Variants in PRKG1 observed in about 807,000 individuals in gnomAD.
PRKG1 encodes protein kinase cGMP-dependent 1, also known as cGMP-dependent protein kinase 1.
A neutral mutation model predicts 88.1 loss-of-function variants in PRKG1; 35 were observed. The ratio of observed to expected loss-of-function variants is 0.40; its 90% CI spans 0.30 to 0.53. The LOEUF is 0.53. Ranked by LOEUF, PRKG1 falls within the 20% of genes least tolerant of loss-of-function variation. The probability of loss-of-function intolerance (pLI) is 0.59; values close to 1 mark genes in which losing one functional copy is unlikely to be tolerated. For missense variants in PRKG1, 540 were observed against 839.8 expected (o/e 0.64, Z 4.41); for synonymous variants, 303 against 292.5 (o/e 1.04, Z -0.37).
intron 4 of PRKG1, among the ~76,000 whole-genome samples, chr10:51,905,925 T>A (rs1049338182): frequency 1.3e-5 from 2 of 152,198 alleles, no homozygotes; most frequent in Admixed American, 1.3e-4. Context: ...ATAGTTCTTA[T>A]TTTTGTGGAT....
chr10:51,073,632 C>G (rs567899903), upstream of PRKG1, among the ~76,000 whole-genome samples: 5 of 152,178 alleles, frequency 3.3e-5, no homozygotes, highest in South Asian at 1.0e-3. Flanking sequence ...TAAAACAGTT[C>G]CCCGATGAGA....
At chr10:52,096,509 C>T (rs1309865277) in intron 7 of PRKG1, among the ~76,000 whole-genome samples, 1 of 152,168 alleles carries the variant, frequency 6.6e-6, no homozygotes, top group African/African-American at 2.4e-5. Flanking sequence ...TGCATTTCCA[C>T]CCTTCTTAAG....
Position 51,186,982 on chromosome 10 carries a change from ATG to A in PRKG1, c.478+33654_478+33655del, listed in dbSNP as rs1214362175. Among the ~76,000 whole-genome samples the A allele has an allele frequency of 8.6e-4, 124 of 144,644 alleles. 1 individual carries two copies. Among genetic ancestry groups the A allele is most frequent in the Admixed American group, 2.0e-3 (28 of 14,322 alleles). The allele number at this position is 144,644 out of a possible 152,430, so 94.9% of individuals were successfully genotyped here. A position where few individuals can be genotyped will look rare whatever the true frequency, so the allele number is the denominator to read the frequency against. ...TATATATATATATATATATATATAT[ATG>A]TATATATATATTCTCTTTATTCCTT... On this transcript the variant is annotated intron_variant, in intron 2 of 17. Coordinates refer to ENST00000373980, the MANE Select transcript of PRKG1 (RefSeq NM_006258.4).
chr10:51,935,261 A>T (rs551413351), intron 5 of PRKG1, among the ~76,000 whole-genome samples: 25 of 152,260 alleles, frequency 1.6e-4, no homozygotes, highest in Non-Finnish European at 1.2e-4. Flanking sequence ...TGAACTTAAG[A>T]ATCATTCAGC....
At chr10:52,251,513 TG>T in intron 9 of PRKG1, 56 bp from the exon 10 acceptor site, 2 of 1,263,594 alleles carry the variant, frequency 1.6e-6, no homozygotes, top group Non-Finnish European at 1.2e-6. Flanking sequence ...CAGATGTACG[TG>T]GTACTCGTGT....
chr10:51,743,734 CTAAATATATATATATATATATATA>C, intron 3 of PRKG1, among the ~76,000 whole-genome samples: 1 of 31,348 alleles, frequency 3.2e-5, no homozygotes, highest in South Asian at 7.7e-4. Context: ...ATAATATAAA[CTAAATATATATATATATATATATA>C]TATATATTTA....
intron 5 of PRKG1, among the ~76,000 whole-genome samples, chr10:52,028,861 C>T (rs1465424444): frequency 1.3e-5 from 2 of 152,094 alleles, no homozygotes; most frequent in African/African-American, 2.4e-5. Flanking sequence ...GAAATATGGG[C>T]CAAACATTTG....
chr10:51,439,092 A>C (rs1181928592), intron 2 of PRKG1, among the ~76,000 whole-genome samples: 1 of 151,678 alleles, frequency 6.6e-6, no homozygotes, highest in African/African-American at 2.4e-5. Flanking sequence ...CAATGTTTTT[A>C]GTCAAATAGG....
chr10:52,027,828 G>T (rs1205561033), intron 5 of PRKG1, among the ~76,000 whole-genome samples: 2 of 152,016 alleles, frequency 1.3e-5, no homozygotes, highest in Non-Finnish European at 2.9e-5. Context: ...TCGCTTTGTT[G>T]CCCAGGCTGG....
chr10:51,727,752 G>T lies in PRKG1; in HGVS notation c.593-76833G>T, dbSNP rs183729024. Among the ~76,000 whole-genome samples the T allele has an allele frequency of 2.0e-5, 3 of 152,212 alleles. No individual in the cohort carries two copies. The East Asian group carries it at 5.8e-4, about 29-fold the overall frequency. The stretch of plus-strand genomic sequence containing the variant: ...CAGAGGAATTGGATGAGGGGTAAAT[G>T]ACTGTTTAAACCTATATTATTGCCT... On this transcript the variant is annotated intron_variant, in intron 3 of 17. Transcript: ENST00000373980.
At chr10:51,947,390 G>A (rs926982656) in intron 5 of PRKG1, among the ~76,000 whole-genome samples, 10 of 152,114 alleles carry the variant, frequency 6.6e-5, no homozygotes, top group Admixed American at 1.3e-4. Context: ...ACTAGGAAAG[G>A]GAACTGCCTG....
intron 3 of PRKG1, among the ~76,000 whole-genome samples, chr10:51,786,858 T>C (rs1212881138): frequency 2.0e-5 from 3 of 152,210 alleles, no homozygotes; most frequent in Non-Finnish European, 4.4e-5. Context: ...CACTTAGTCA[T>C]AACTTTCAAG....
intron 3 of PRKG1, among the ~76,000 whole-genome samples, chr10:51,556,185 C>A (rs949201468): frequency 2.6e-5 from 4 of 151,840 alleles, no homozygotes; most frequent in African/African-American, 9.7e-5. Flanking sequence ...TGAATAATTC[C>A]TATCATACAT....
chr10:51,670,415 T>C (rs1057089927), intron 3 of PRKG1, among the ~76,000 whole-genome samples: 1 of 151,782 alleles, frequency 6.6e-6, no homozygotes, highest in African/African-American at 2.4e-5. Context: ...TTTTTCCTTC[T>C]GTTTCTTCTC....
intron 1 of PRKG1, among the ~76,000 whole-genome samples, chr10:51,051,198 C>T (rs981364600): frequency 4.2e-4 from 64 of 152,066 alleles, no homozygotes; most frequent in African/African-American, 1.5e-3. Flanking sequence ...GTTTTTGTTG[C>T]CTGTGCTTTT....
At chr10:52,174,284 G>T (rs1171113973) in intron 9 of PRKG1, among the ~76,000 whole-genome samples, 2 of 144,470 alleles carry the variant, frequency 1.4e-5, no homozygotes, top group Non-Finnish European at 3.1e-5. Flanking sequence ...TAAGTTTAAA[G>T]AAAAAAAAAA....
chr10:51,290,005 A>C (rs1840541583), intron 2 of PRKG1, among the ~76,000 whole-genome samples: 1 of 152,104 alleles, frequency 6.6e-6, no homozygotes, highest in Non-Finnish European at 1.5e-5. Flanking sequence ...GACACCTTTG[A>C]AACTACTTGA....
intron 5 of PRKG1, among the ~76,000 whole-genome samples, chr10:51,920,124 G>C (rs1380817556): frequency 6.6e-6 from 1 of 152,120 alleles, no homozygotes; most frequent in Non-Finnish European, 1.5e-5. Flanking sequence ...AGAGGTTGCT[G>C]GTAGGAGATT....
intron 2 of PRKG1, among the ~76,000 whole-genome samples, chr10:51,235,510 GT>G (rs1224059398): frequency 1.3e-5 from 2 of 152,094 alleles, no homozygotes; most frequent in Non-Finnish European, 1.5e-5. Context: ...AGTTCTTTTG[GT>G]TTTTGTCACT....
Sources: allele counts gnomAD v4.1 joint callset (sites outside exome capture counted in the v4.1 genomes callset), GRCh38; gene constraint gnomAD v4.1.1; transcripts MANE v1.5; gene names NCBI Gene and HGNC (gene_info 2026-07-23, HGNC 2026-07-21).